CHRDL1: variants seen among roughly 807,000 people sequenced by gnomAD.
The protein encoded by CHRDL1 is chordin like 1.
A neutral mutation model predicts 40.9 loss-of-function variants in CHRDL1; 19 were observed. That is an observed-to-expected ratio of 0.46 (90% confidence interval 0.32 to 0.68). The LOEUF is 0.68. Among genes scored for constraint, CHRDL1 ranks in the 30% least tolerant of loss-of-function variants. The pLI is 0.03. For synonymous variants in CHRDL1, 136 were observed against 123.4 expected (o/e 1.10, Z -0.68); for missense variants, 329 against 352.1 (o/e 0.93, Z 0.53).
chrX:110,674,457 C>CCACACACACACA lies in CHRDL1; in HGVS notation c.*1762_*1773dup, dbSNP rs72056903. 1.3e-3 allele frequency: 103 copies of CCACACACACACA among 78,930 alleles called. 1 individual carries two copies. The highest frequency in any genetic ancestry group is 6.6e-3 in the Middle Eastern group (1 of 151). The allele number at this position is 78,930 out of a possible 1,213,427, so 6.5% of individuals were successfully genotyped here. The stretch of plus-strand genomic sequence containing the variant: ...GCCGCATAACACCTTCCCCCCTTTA[C>CCACACACACACA]CACACACACACACACACACACACAC... On this transcript the variant is annotated 3_prime_UTR_variant, in exon 12 of 12. Transcript: ENST00000372042.
chrX:110,723,313 T>C (rs1458430298), intron 4 of CHRDL1, among the ~76,000 whole-genome samples: 2 of 111,330 alleles, frequency 1.8e-5, no homozygotes, highest in African/African-American at 6.5e-5. Context: ...TCTCAGTATG[T>C]AGTGAAAATG....
chrX:110,789,387 T>G (rs769629570), intron 2 of CHRDL1, among the ~76,000 whole-genome samples: 3 of 112,296 alleles, frequency 2.7e-5, no homozygotes, highest in South Asian at 3.7e-4. Context: ...ACAGTACTTA[T>G]GAAGATTAAA....
rs2070341433 is a variant in CHRDL1, at chrX:110,694,301, G to A, written c.640C>T (p.Pro214Ser). ...CCTCCAGCCTGTCGGCTTGGTGGAG[G>A]ATCATAGTGAGAGCGGTGGTAAGAA... The part of the protein sequence containing the change: ...RHSYHRSHYD[P>S]PPSRQAGGLS... The change falls in exon 8 of 12, where the codon CCT (proline) becomes TCT (serine). Residue 214 changes from proline (P) to serine (S), a missense_variant. Coordinates refer to ENST00000372042, the MANE Select transcript of CHRDL1 (RefSeq NM_001143981.2). 8.3e-7 allele frequency: 1 copy of A among 1,209,458 alleles called. No individual in the cohort carries two copies. Among genetic ancestry groups the A allele is most frequent in the East Asian group, 3.0e-5 (1 of 33,795 alleles).
Position 110,681,557 on chromosome X carries a change from C to T in CHRDL1, c.1081G>A (p.Glu361Lys), listed in dbSNP as rs775690981. Residue 361 changes from glutamate to lysine, a missense_variant, in exon 10 of 12, where the codon GAG becomes AAG. Transcript: ENST00000372042. ...TCCAGTGCTATTTTTCTGGTTGTCT[C>T]CCCATCCTCCATGAATACAGACTCA... ...VYESVFMEDG[E>K]TTRKIALETE... 2 of 1,203,454 alleles carry T rather than the reference C, an allele frequency of 1.7e-6. No individual in the cohort carries two copies. The highest frequency in any genetic ancestry group is 3.5e-5 in the African/African-American group (2 of 56,973).
At chrX:110,694,055 ATATGGGC>A (rs1678851797) in intron 8 of CHRDL1, 101 bp downstream of exon 8, 3 of 599,972 alleles carry the variant, frequency 5.0e-6, no homozygotes, top group Non-Finnish European at 8.0e-6. Flanking sequence ...CCACAAGTGA[ATATGGGC>A]TATTCCTGGG....
intron 9 of CHRDL1, among the ~76,000 whole-genome samples, chrX:110,686,898 T>A (rs12013614): frequency 0.38 from 33,793 of 88,919 alleles, 6,963 homozygotes; most frequent in African/African-American, 0.57. Flanking sequence ...AAACAAAAAA[T>A]AAAAAAAAAA....
At chrX:110,762,114 T>G (rs1259097844) in intron 3 of CHRDL1, among the ~76,000 whole-genome samples, 2 of 112,421 alleles carry the variant, frequency 1.8e-5, no homozygotes, top group African/African-American at 6.5e-5. Flanking sequence ...ACTCCCACTA[T>G]CAGGCTCTTC....
intron 7 of CHRDL1, among the ~76,000 whole-genome samples, chrX:110,696,967 C>T (rs5985544): frequency 0.48 from 52,202 of 109,130 alleles, 10,980 homozygotes; most frequent in African/African-American, 0.78. Context: ...TTATGAGGGG[C>T]CATTCTGACC....
At chrX:110,699,290 C>T (rs185825442) in intron 7 of CHRDL1, among the ~76,000 whole-genome samples, 1 of 111,372 alleles carries the variant, frequency 9.0e-6, no homozygotes, top group Admixed American at 9.6e-5. Context: ...AGAAGTGGCC[C>T]ATGTGATGAC....
rs746881225 is a variant in CHRDL1, at chrX:110,684,349, T to C, written c.989-2700A>G. Among the ~76,000 whole-genome samples the C allele has an allele frequency of 1.2e-4, 13 of 112,177 alleles. No individual in the cohort carries two copies. In the South Asian group the frequency reaches 4.9e-3, roughly 42 times the overall value. On this transcript the variant is annotated intron_variant, in intron 9 of 11. Transcript: ENST00000372042. ...ACTGAATTTACCATTCTTTCTTCCT[T>C]CCATCTACTTCTCTCCTCACTGCCT... is the stretch of plus-strand genomic sequence containing the variant.
chrX:110,772,861 A>G lies in CHRDL1; in HGVS notation c.95-10054T>C, dbSNP rs772339942. Among the ~76,000 whole-genome samples, 6 of 112,773 alleles carry G rather than the reference A, an allele frequency of 5.3e-5. No homozygotes were observed. In the East Asian group the frequency reaches 1.7e-3, roughly 31 times the overall value. ...ATAGTAATATACAAAACATAAACTAAAATGAACCTTAATCCATATCACATA... is the reference window on the plus strand; with the variant it reads ...ATAGTAATATACAAAACATAAACTAGAATGAACCTTAATCCATATCACATA... On this transcript the variant is annotated intron_variant, in intron 2 of 11. Transcript: ENST00000372042.
chrX:110,692,545 CACTT>C (rs991349514), intron 8 of CHRDL1, among the ~76,000 whole-genome samples: 3 of 112,274 alleles, frequency 2.7e-5, no homozygotes, highest in African/African-American at 6.5e-5. Flanking sequence ...CATTTCCCTA[CACTT>C]TTAAAAGGCT....
At chrX:110,773,723 C>CAAAA (rs1171179610) in intron 2 of CHRDL1, among the ~76,000 whole-genome samples, 3 of 35,345 alleles carry the variant, frequency 8.5e-5, no homozygotes, top group African/African-American at 9.5e-5. Context: ...GAGACTGCCT[C>CAAAA]AAAAAAAAAA....
chrX:110,684,186 G>C (rs886378145), intron 9 of CHRDL1, among the ~76,000 whole-genome samples: 1 of 112,174 alleles, frequency 8.9e-6, no homozygotes, highest in African/African-American at 3.2e-5. Flanking sequence ...CCAGAGCAAA[G>C]GGAAGAGAGA....
intron 6 of CHRDL1, among the ~76,000 whole-genome samples, chrX:110,712,497 C>A (rs1163199110): frequency 4.5e-5 from 5 of 111,349 alleles, no homozygotes; most frequent in Non-Finnish European, 7.5e-5. Flanking sequence ...CAGACTGTTT[C>A]ACAGAGGGTC....
intron 4 of CHRDL1, among the ~76,000 whole-genome samples, chrX:110,722,306 A>T (rs2070975592): frequency 9.1e-6 from 1 of 110,219 alleles, no homozygotes; most frequent in Non-Finnish European, 1.9e-5. Flanking sequence ...CACCGCCTAC[A>T]TTTTAAATCA....
chrX:110,732,446 ACT>A (rs772553339), intron 4 of CHRDL1, among the ~76,000 whole-genome samples: 1 of 111,210 alleles, frequency 9.0e-6, no homozygotes, highest in South Asian at 3.8e-4. Context: ...CAGACACAAC[ACT>A]CTGTCCCAAC....
Position 110,676,070 on chromosome X carries a change from C to T in CHRDL1, c.*161G>A, listed in dbSNP as rs188735174. On this transcript the variant is annotated 3_prime_UTR_variant, in exon 12 of 12. Coordinates refer to ENST00000372042, the MANE Select transcript of CHRDL1 (RefSeq NM_001143981.2). ...AGGAGATGTTCAAGGGCTGACACAC[C>T]ACTCCACACAAAGGAGCAAATTATG... 230 of 441,140 alleles carry T rather than the reference C, an allele frequency of 5.2e-4. 1 individual carries two copies. Among genetic ancestry groups the T allele is most frequent in the African/African-American group, 4.7e-3 (190 of 40,041 alleles). 36.4% of individuals were successfully genotyped at this position (441,140 alleles called of 1,213,427 possible).
At chrX:110,680,352 T>A (rs1603107059) in intron 10 of CHRDL1, among the ~76,000 whole-genome samples, 1 of 111,805 alleles carries the variant, frequency 8.9e-6, no homozygotes, top group East Asian at 2.8e-4. Context: ...CTCCAAGGCA[T>A]AGACCAAAAA....
Sources: allele counts gnomAD v4.1 joint callset (sites outside exome capture counted in the v4.1 genomes callset), GRCh38; gene constraint gnomAD v4.1.1; transcripts MANE v1.5; gene names NCBI Gene and HGNC (gene_info 2026-07-23, HGNC 2026-07-21).